The following CHD2 variants were observed in gnomAD, a reference collection of about 807,000 sequenced individuals.
CHD2 encodes chromodomain helicase DNA binding protein 2.
Under a neutral mutation model 243.9 loss-of-function variants are expected in CHD2, and 28 were observed. The ratio of observed to expected loss-of-function variants is 0.11; its 90% confidence interval spans 0.09 to 0.16. CHD2 has a LOEUF of 0.16. CHD2 is among the 10% of genes least tolerant of loss of function. The pLI is 1.00. For missense variants in CHD2, 1,386 were observed against 2,209.8 expected, an observed-to-expected ratio of 0.63 and a Z score of 7.47; for synonymous variants, 775 against 779.0, an observed-to-expected ratio of 0.99 and a Z score of 0.09.
In CHD2 at chr15:92,944,319, A is replaced by C; in HGVS notation, c.1053-96A>C. 3 of 605,804 alleles carry C rather than the reference A, an allele frequency of 5.0e-6. No individual in the cohort carries two copies. In the East Asian group the frequency reaches 7.9e-5, roughly 16 times the overall value. 37.5% of individuals were successfully genotyped at this position (605,804 alleles called of 1,614,324 possible). On this transcript the variant is annotated intron_variant, in intron 9 of 38. Transcript: ENST00000394196. ...ACTTAAGGGGCAGATGGGAGTAAAA[A>C]ATAGGTTTTCTTTTCCACCTTTGAC...
At chr15:92,918,479 A>G (rs552330066) in intron 2 of CHD2, among the ~76,000 whole-genome samples, 1 of 152,312 alleles carries the variant, frequency 6.6e-6, no homozygotes, top group African/African-American at 2.4e-5. Flanking sequence ...TATATGTTGG[A>G]TAGTCATTCC....
Position 92,920,677 on chromosome 15 carries a change from T to C in CHD2, c.63-3644T>C, listed in dbSNP as rs191080243. 2.2e-3 allele frequency among the ~76,000 whole-genome samples: 335 copies of C among 152,318 alleles called. 2 individuals carry two copies. Among genetic ancestry groups the C allele is most frequent in the African/African-American group, 7.8e-3 (325 of 41,560 alleles). On this transcript the variant is annotated intron_variant, in intron 2 of 38. Transcript: ENST00000394196. ...GTTTCCTAGTAGTGTGTAGACCTGT[T>C]GTCTGTGACAGTTTTATTGGTGGTG...
intron 34 of CHD2, 79 bp from the exon 35 acceptor site, chr15:93,009,066 C>T: frequency 2.0e-6 from 3 of 1,489,124 alleles, no homozygotes; most frequent in African/African-American, 1.4e-5. Flanking sequence ...GCTGTGTTTT[C>T]ATCGAGAGCA....
intron 25 of CHD2, among the ~76,000 whole-genome samples, chr15:92,985,232 C>T (rs1372737429): frequency 6.6e-6 from 1 of 152,116 alleles, no homozygotes; most frequent in African/African-American, 2.4e-5. Flanking sequence ...AAACATGAAC[C>T]TGTTTTATAA....
At chr15:92,919,763 T>G (rs954627711) in intron 2 of CHD2, among the ~76,000 whole-genome samples, 3 of 152,222 alleles carry the variant, frequency 2.0e-5, no homozygotes, top group Admixed American at 2.0e-4. Context: ...CTTGCCGCCC[T>G]TGGTTTGGAT....
intron 5 of CHD2, among the ~76,000 whole-genome samples, chr15:92,930,566 C>G (rs1567129740): frequency 6.6e-6 from 1 of 152,030 alleles, no homozygotes. Context: ...GTAGCTGGGA[C>G]TACAGGCATG....
chr15:92,995,602 C>T (rs1157554848), intron 28 of CHD2, among the ~76,000 whole-genome samples: 1 of 152,152 alleles, frequency 6.6e-6, no homozygotes, highest in Non-Finnish European at 1.5e-5. Context: ...TTTCCTTTTA[C>T]AGTTGCAGAG....
At chr15:92,956,952 A>G (rs1221743940) in intron 16 of CHD2, among the ~76,000 whole-genome samples, 6 of 152,220 alleles carry the variant, frequency 3.9e-5, no homozygotes, top group Admixed American at 3.9e-4. Flanking sequence ...GATAATCAAT[A>G]TAAGTAAAAT....
rs1466916415 is a variant in CHD2 at position 92,953,228 on chromosome 15, T to G, written c.1503-129T>G. 4.4e-6 allele frequency: 3 copies of G among 684,368 alleles called. No homozygotes were observed. The Admixed American group carries it at 8.0e-5, about 18-fold the overall frequency. The allele number at this position is 684,368 out of a possible 1,614,324, so 42.4% of individuals were successfully genotyped here. A position where few individuals can be genotyped will look rare whatever the true frequency, so the allele number is the denominator to read the frequency against. ...GTAATTGCAGATGAGAAGAAATACA[T>G]TTGAGGCTTATGAATGACACCTTGC... is the stretch of plus-strand genomic sequence containing the variant. On this transcript the variant is annotated intron_variant, in intron 13 of 38. Coordinates refer to ENST00000394196, the MANE Select transcript of CHD2 (RefSeq NM_001271.4).
intron 6 of CHD2, 70 bp from the exon 7 acceptor site, chr15:92,939,508 T>C: frequency 1.3e-6 from 2 of 1,503,042 alleles, no homozygotes; most frequent in South Asian, 1.2e-5. Flanking sequence ...CTCTGGGAAA[T>C]ACTGTTATAT....
intron 5 of CHD2, among the ~76,000 whole-genome samples, chr15:92,930,587 C>A (rs1274048858): frequency 6.6e-6 from 1 of 151,952 alleles, no homozygotes; most frequent in Non-Finnish European, 1.5e-5. Context: ...TGCTATCATG[C>A]CCAGCTAAGT....
chr15:92,945,960 A>G, intron 11 of CHD2, 78 bp from the exon 12 acceptor site: 1 of 1,475,780 alleles, frequency 6.8e-7, no homozygotes, highest in Non-Finnish European at 9.2e-7. Context: ...TGTTTTATTG[A>G]TTATGCATAA....
chr15:92,915,587 TAAAA>T (rs959727271), intron 2 of CHD2, among the ~76,000 whole-genome samples: 21 of 152,138 alleles, frequency 1.4e-4, no homozygotes, highest in African/African-American at 3.4e-4. Flanking sequence ...AGTTTTAAAA[TAAAA>T]AAGTTAGACA....
chr15:92,965,891 A>T (rs1035578039), intron 16 of CHD2, among the ~76,000 whole-genome samples: 1 of 152,160 alleles, frequency 6.6e-6, no homozygotes, highest in Non-Finnish European at 1.5e-5. Flanking sequence ...TTAATTTATT[A>T]TAACATGTGT....
At chr15:92,948,560 G>A (rs556868981) in intron 12 of CHD2, among the ~76,000 whole-genome samples, 9 of 152,234 alleles carry the variant, frequency 5.9e-5, no homozygotes, top group Admixed American at 4.6e-4. Flanking sequence ...TTGGCCAGGC[G>A]CGGTGGCTCA....
intron 2 of CHD2, among the ~76,000 whole-genome samples, chr15:92,921,034 C>T (rs1019186264): frequency 6.6e-6 from 1 of 151,218 alleles, no homozygotes; most frequent in African/African-American, 2.4e-5. Context: ...GTATAGAGAG[C>T]CAGCAGGGCA....
intron 26 of CHD2, among the ~76,000 whole-genome samples, chr15:92,987,947 C>A: frequency 6.6e-6 from 1 of 152,034 alleles, no homozygotes; most frequent in East Asian, 1.9e-4. Context: ...AATTTAATTT[C>A]AATGGCATTA....
intron 27 of CHD2, among the ~76,000 whole-genome samples, chr15:92,992,644 A>G (rs187857543): frequency 1.6e-4 from 24 of 152,304 alleles, no homozygotes; most frequent in Admixed American, 1.4e-3. Context: ...GTTTTGTGGA[A>G]TATTCAAGAC....
intron 38 of CHD2, 102 bp from the exon 39 acceptor site, chr15:93,024,270 C>T: frequency 1.0e-6 from 1 of 994,862 alleles, no homozygotes; most frequent in Non-Finnish European, 1.5e-6. Flanking sequence ...GAGCATTTGT[C>T]CTTGAATATG....
Sources: allele counts gnomAD v4.1 joint callset (sites outside exome capture counted in the v4.1 genomes callset), GRCh38; gene constraint gnomAD v4.1.1; transcripts MANE v1.5; gene names NCBI Gene and HGNC (gene_info 2026-07-23, HGNC 2026-07-21).